The following GRIK3 variants were observed in gnomAD, a reference collection of about 807,000 sequenced individuals.
GRIK3 encodes the protein glutamate ionotropic receptor kainate type subunit 3.
A neutral mutation model predicts 102.5 loss-of-function variants in GRIK3; 29 were observed. That is an observed-to-expected ratio of 0.28 (90% CI 0.21 to 0.39). GRIK3 has a LOEUF of 0.39. Ranked by LOEUF, GRIK3 falls within the 10% of genes least tolerant of loss-of-function variation. The pLI is 1.00. For missense variants in GRIK3, 908 were observed against 1,252.4 expected, an observed-to-expected ratio of 0.73 and a Z score of 4.15; for synonymous variants, 511 against 504.9, an observed-to-expected ratio of 1.01 and a Z score of -0.16.
chr1:37,004,888 C>T (rs1000120068), intron 1 of GRIK3, among the ~76,000 whole-genome samples: 3 of 152,242 alleles, frequency 2.0e-5, no homozygotes, highest in Admixed American at 6.5e-5. Context: ...AAAAAAGGGA[C>T]TTGACCAGCC....
intron 3 of GRIK3, among the ~76,000 whole-genome samples, chr1:36,878,880 C>T (rs879580263): frequency 1.9e-4 from 29 of 152,230 alleles, no homozygotes; most frequent in Admixed American, 1.8e-3. Context: ...CCACTTGGTT[C>T]GCAGCAGGTA....
chr1:37,033,200 G>A (rs1351288330), intron 1 of GRIK3, among the ~76,000 whole-genome samples: 1 of 152,268 alleles, frequency 6.6e-6, no homozygotes, highest in Non-Finnish European at 1.5e-5. Context: ...AAGAGACGCG[G>A]AGAAGCCGGA....
At chr1:36,966,955 T>C (rs1056443317) in intron 1 of GRIK3, among the ~76,000 whole-genome samples, 5 of 152,184 alleles carry the variant, frequency 3.3e-5, no homozygotes, top group Admixed American at 3.3e-4. Flanking sequence ...TAAAAAAAGA[T>C]GTATGGAATC....
At chr1:36,917,796 G>A (rs1052584697) in intron 1 of GRIK3, among the ~76,000 whole-genome samples, 1 of 152,192 alleles carries the variant, frequency 6.6e-6, no homozygotes, top group African/African-American at 2.4e-5. Flanking sequence ...GGTTGAAGAG[G>A]ACACCACAGG....
intron 1 of GRIK3, among the ~76,000 whole-genome samples, chr1:36,989,545 T>C (rs983068524): frequency 6.6e-6 from 1 of 152,210 alleles, no homozygotes; most frequent in Non-Finnish European, 1.5e-5. Context: ...GGCTGGTTAA[T>C]TGCTTGGAGT....
chr1:36,943,973 G>A (rs891866103), intron 1 of GRIK3, among the ~76,000 whole-genome samples: 2 of 152,332 alleles, frequency 1.3e-5, no homozygotes, highest in East Asian at 3.9e-4. Flanking sequence ...ATTCCAGACA[G>A]GGACTTTAGC....
Position 36,880,591 on chromosome 1 carries a change from C to G in GRIK3, c.550+43G>C. 6.3e-7 allele frequency: 1 copy of G among 1,595,312 alleles called. No homozygotes were observed. Reference sequence around the variant, plus strand: ...AGAGCTTGATCCTGGGCCTCTGCCCCCCTCAACCGTTGCCCCCAGCCTAGC... The same window carrying G: ...AGAGCTTGATCCTGGGCCTCTGCCCGCCTCAACCGTTGCCCCCAGCCTAGC... On this transcript the variant is annotated intron_variant, in intron 3 of 15. Transcript: ENST00000373091. This position sits in a 1 kb window ranked among gnomAD's most constrained non-coding sequence, Gnocchi z 5.4.
chr1:36,891,715 C>T (rs1351240909), intron 1 of GRIK3, among the ~76,000 whole-genome samples: 1 of 152,112 alleles, frequency 6.6e-6, no homozygotes, highest in Non-Finnish European at 1.5e-5. Flanking sequence ...GGATTTGCAT[C>T]ACGCCATTAA....
chr1:36,828,613 G>A (rs1031149391), intron 10 of GRIK3, among the ~76,000 whole-genome samples: 9 of 152,150 alleles, frequency 5.9e-5, no homozygotes, highest in African/African-American at 2.2e-4. Flanking sequence ...AATGCCTAAT[G>A]ACATTTCTCA....
intron 1 of GRIK3, among the ~76,000 whole-genome samples, chr1:36,955,264 C>A (rs933120694): frequency 5.3e-5 from 8 of 152,224 alleles, no homozygotes; most frequent in Admixed American, 2.0e-4. Context: ...ATCAACCCTG[C>A]CAGCAGGACA....
chr1:36,970,697 C>T (rs1237454959), intron 1 of GRIK3, among the ~76,000 whole-genome samples: 1 of 152,182 alleles, frequency 6.6e-6, no homozygotes, highest in African/African-American at 2.4e-5. Context: ...CTTCCCCAGC[C>T]CACTCCACTG....
rs917247169 is a variant in GRIK3 at position 36,797,383 on chromosome 1, G to T, written c.*4468C>A. On this transcript the variant is annotated 3_prime_UTR_variant, in exon 16 of 16. Coordinates refer to ENST00000373091, the MANE Select transcript of GRIK3 (RefSeq NM_000831.4). ...CCTAAAAGTTTTGTGACTCACGTAT[G>T]ACCTCAGCTCTGAAATTTTTACTCC... The T allele has an allele frequency of 9.9e-5, 15 of 151,992 alleles. No individual in the cohort carries two copies. The highest frequency in any genetic ancestry group is 5.9e-4 in the Admixed American group (9 of 15,272). 9.4% of individuals were successfully genotyped at this position (151,992 alleles called of 1,614,324 possible).
At chr1:36,894,457 T>C (rs1480555267) in intron 1 of GRIK3, among the ~76,000 whole-genome samples, 1 of 152,246 alleles carries the variant, frequency 6.6e-6, no homozygotes, top group Non-Finnish European at 1.5e-5. Context: ...AGTAGTGGTT[T>C]CCAGTCTCTG....
At chr1:36,893,008 A>C (rs550943060) in intron 1 of GRIK3, among the ~76,000 whole-genome samples, 2 of 152,330 alleles carry the variant, frequency 1.3e-5, no homozygotes, top group African/African-American at 4.8e-5. Flanking sequence ...ATTCAATCTT[A>C]ATCTAAAATA....
chr1:36,836,066 G>C lies in GRIK3; in HGVS notation c.1530+5670C>G, dbSNP rs993245502. Among the ~76,000 whole-genome samples, 4 of 152,308 alleles carry C rather than the reference G, an allele frequency of 2.6e-5. 1 individual carries two copies. The highest frequency in any genetic ancestry group is 6.8e-3 in the Middle Eastern group (2 of 294). On this transcript the variant is annotated intron_variant, in intron 10 of 15. Transcript: ENST00000373091. ...CCCTCAACTGCCCTGTCCCCTCCAG[G>C]ATTCTGACTTGCCCTGGGGGAGCTC...
chr1:36,935,187 ACACCCAG>A (rs1431479454), intron 1 of GRIK3, among the ~76,000 whole-genome samples: 1 of 152,188 alleles, frequency 6.6e-6, no homozygotes, highest in African/African-American at 2.4e-5. Context: ...TCACCACTGT[ACACCCAG>A]CACCCAGCAC....
chr1:36,959,282 G>GTGC (rs1641969373), intron 1 of GRIK3, among the ~76,000 whole-genome samples: 1 of 118,136 alleles, frequency 8.5e-6, no homozygotes, highest in African/African-American at 3.0e-5. Context: ...GTGAGCCTGT[G>GTGC]CCTGTGAGCC....
intron 7 of GRIK3, among the ~76,000 whole-genome samples, chr1:36,856,536 G>A (rs1640654366): frequency 6.6e-6 from 1 of 152,218 alleles, no homozygotes; most frequent in Admixed American, 6.5e-5. Context: ...AGACGGGCAA[G>A]TTGGAAATGG....
At chr1:36,839,923 G>A (rs1448613785) in intron 10 of GRIK3, among the ~76,000 whole-genome samples, 1 of 152,156 alleles carries the variant, frequency 6.6e-6, no homozygotes, top group Non-Finnish European at 1.5e-5. Flanking sequence ...GCTCCCCTCA[G>A]ACCGAGGCAA....
Sources: gnomAD v4.1 joint callset for allele counts (sites outside exome capture counted in the v4.1 genomes callset) on GRCh38, gnomAD v4.1.1 for gene constraint, Gnocchi (gnomAD v3.1) non-coding constraint, MANE v1.5 for transcripts, NCBI Gene and HGNC (gene_info 2026-07-23, HGNC 2026-07-21) for gene names.